Variants in MCPH1 observed in about 807,000 individuals in gnomAD.
MCPH1 encodes microcephalin 1, also known as microcephalin.
A neutral mutation model predicts 84.5 loss-of-function variants in MCPH1; 104 were observed. The observed-to-expected ratio is 1.23, with a 90% CI of 1.05 to 1.45. The LOEUF (loss-of-function observed/expected upper bound fraction) is 1.45, where lower values mean the gene tolerates loss of function less well. Among genes scored for constraint, MCPH1 ranks in the 40% most tolerant of loss-of-function variants. MCPH1 has a pLI of 0.00. For missense variants in MCPH1, 1,498 were observed against 1,005.7 expected (o/e 1.49, Z -6.62); for synonymous variants, 514 against 366.8 (o/e 1.40, Z -4.58).
chr8:6,464,358 A>G (rs1210701096), intron 9 of MCPH1, among the ~76,000 whole-genome samples: 1 of 152,230 alleles, frequency 6.6e-6, no homozygotes, highest in Non-Finnish European at 1.5e-5. Context: ...ATAGCCTAAC[A>G]GTTGCTTTCA....
intron 13 of MCPH1, chr8:6,626,977 G>T: frequency 1.0e-6 from 1 of 973,890 alleles, no homozygotes; most frequent in Non-Finnish European, 1.2e-6. Flanking sequence ...ATTCTCAACA[G>T]CATTGCCAAA....
At chr8:6,636,103 C>A (rs1050916320) in intron 13 of MCPH1, among the ~76,000 whole-genome samples, 1 of 152,158 alleles carries the variant, frequency 6.6e-6, no homozygotes, top group African/African-American at 2.4e-5. Context: ...CTTTGGGAGG[C>A]CAAGGCGGGC....
At chr8:6,516,458 C>G (rs1816291340) in intron 12 of MCPH1, among the ~76,000 whole-genome samples, 1 of 152,134 alleles carries the variant, frequency 6.6e-6, no homozygotes, top group Non-Finnish European at 1.5e-5. Flanking sequence ...TTTCCACTGA[C>G]ATCATGCTGC....
At chr8:6,589,125 T>C (rs548690896) in intron 12 of MCPH1, among the ~76,000 whole-genome samples, 1 of 152,366 alleles carries the variant, frequency 6.6e-6, no homozygotes, top group Admixed American at 6.5e-5. Flanking sequence ...AACATCCTCC[T>C]GTGGGCTCGG....
intron 9 of MCPH1, among the ~76,000 whole-genome samples, chr8:6,462,782 G>C (rs921273089): frequency 2.0e-5 from 3 of 152,178 alleles, no homozygotes; most frequent in East Asian, 3.8e-4. Context: ...CTAATTAATT[G>C]AGTTGAAACA....
intron 12 of MCPH1, among the ~76,000 whole-genome samples, chr8:6,529,454 T>C (rs1179841273): frequency 1.3e-4 from 13 of 102,902 alleles, no homozygotes; most frequent in South Asian, 2.9e-4. Flanking sequence ...GCCATTTTTC[T>C]TTTTTTTTTT....
rs150880747 is a variant in MCPH1, at chr8:6,638,307, C to T, written c.2453-4687C>T. Among the ~76,000 whole-genome samples the T allele has an allele frequency of 9.9e-3, 1,510 of 152,314 alleles. 15 individuals are homozygous for T. The highest frequency in any genetic ancestry group is 0.016 in the Non-Finnish European group (1,072 of 68,024). On this transcript the variant is annotated intron_variant, in intron 13 of 13. Coordinates refer to ENST00000344683, the MANE Select transcript of MCPH1 (RefSeq NM_024596.5). ...ATGTGGCTAGATCTCCTAGCCCTAA[C>T]ATGCTTACTTATTTTGATAAGCAAA...
chr8:6,614,224 G>A (rs1324755637), intron 12 of MCPH1, among the ~76,000 whole-genome samples: 1 of 152,204 alleles, frequency 6.6e-6, no homozygotes, highest in Non-Finnish European at 1.5e-5. Context: ...TTTTGGAGAC[G>A]GTTGTGCAGA....
chr8:6,621,203 G>C (rs1235905523), intron 12 of MCPH1: 2 of 549,310 alleles, frequency 3.6e-6, no homozygotes, highest in Non-Finnish European at 6.5e-6. Context: ...ATAATTCAAA[G>C]GCCTACACTT....
At chr8:6,523,286 C>A (rs1817713026) in intron 12 of MCPH1, among the ~76,000 whole-genome samples, 1 of 152,096 alleles carries the variant, frequency 6.6e-6, no homozygotes, top group Non-Finnish European at 1.5e-5. Context: ...CATGAGCCAC[C>A]ACGCCTGGCA....
At chr8:6,424,569 G>C (rs1800776562) in intron 3 of MCPH1, among the ~76,000 whole-genome samples, 1 of 152,178 alleles carries the variant, frequency 6.6e-6, no homozygotes, top group African/African-American at 2.4e-5. Context: ...ACTGGCTTTT[G>C]TGACTTTGAC....
At chr8:6,641,148 G>T (rs573431206) in intron 13 of MCPH1, among the ~76,000 whole-genome samples, 1 of 151,904 alleles carries the variant, frequency 6.6e-6, no homozygotes, top group Non-Finnish European at 1.5e-5. Flanking sequence ...TTTTTGAAAA[G>T]TTTGAAATTT....
At chr8:6,421,465 A>G (rs1800181592) in intron 3 of MCPH1, among the ~76,000 whole-genome samples, 1 of 151,964 alleles carries the variant, frequency 6.6e-6, no homozygotes, top group African/African-American at 2.4e-5. Context: ...GAGAATGGCC[A>G]ACTATCATCC....
chr8:6,471,526 G>A (rs958534448), intron 9 of MCPH1, among the ~76,000 whole-genome samples: 1 of 152,316 alleles, frequency 6.6e-6, no homozygotes, highest in East Asian at 1.9e-4. Context: ...TACAGGCAGA[G>A]GGAGAAGAGA....
At chr8:6,626,250 C>G (rs1414062279) in intron 13 of MCPH1, 6 of 985,264 alleles carry the variant, frequency 6.1e-6, no homozygotes, top group Non-Finnish European at 2.4e-6. Context: ...CTCAACAGGG[C>G]TCAGTATACA....
At chr8:6,480,478 A>C (rs13248420) in intron 10 of MCPH1, among the ~76,000 whole-genome samples, 1 of 152,144 alleles carries the variant, frequency 6.6e-6, no homozygotes, top group African/African-American at 2.4e-5. Flanking sequence ...GTGGGAAGCC[A>C]TTGACAGCCT....
chr8:6,564,700 C>T (rs530463082), intron 12 of MCPH1, among the ~76,000 whole-genome samples: 4 of 152,168 alleles, frequency 2.6e-5, no homozygotes, highest in Non-Finnish European at 5.9e-5. Context: ...AAGCTCTAAC[C>T]GAAAGACAGC....
intron 13 of MCPH1, among the ~76,000 whole-genome samples, chr8:6,636,900 G>A (rs1482545078): frequency 6.6e-6 from 1 of 152,190 alleles, no homozygotes; most frequent in Admixed American, 6.5e-5. Context: ...TTTCCTGGAT[G>A]GGAAACAGAA....
At chr8:6,485,154 G>A (rs772145376) in intron 11 of MCPH1, among the ~76,000 whole-genome samples, 31 of 152,092 alleles carry the variant, frequency 2.0e-4, no homozygotes, top group Admixed American at 9.2e-4. Context: ...GTGAAACTCC[G>A]TCTCTACTAA....
Sources: gnomAD v4.1 joint callset for allele counts (sites outside exome capture counted in the v4.1 genomes callset) on GRCh38, gnomAD v4.1.1 for gene constraint, MANE v1.5 for transcripts, NCBI Gene and HGNC (gene_info 2026-07-23, HGNC 2026-07-21) for gene names.